Variants in RBM24 observed in about 807,000 individuals in gnomAD.
The protein encoded by RBM24 is RNA-binding protein 24.
A neutral mutation model predicts 23.6 loss-of-function variants in RBM24; 5 were observed. The ratio of observed to expected loss-of-function variants is 0.21; its 90% CI spans 0.11 to 0.45. The LOEUF (loss-of-function observed/expected upper bound fraction) is 0.45. Ranked by LOEUF, RBM24 falls within the 20% of genes least tolerant of loss-of-function variation. The pLI, the probability that RBM24 is intolerant of heterozygous loss-of-function variation, is 0.99. For synonymous variants in RBM24, 151 were observed against 129.5 expected, an observed-to-expected ratio of 1.17 and a Z score of -1.13; for missense variants, 252 against 314.6, an observed-to-expected ratio of 0.80 and a Z score of 1.51.
At chr6:17,289,747 G>C in intron 3 of RBM24, 1 of 1,052,204 alleles carries the variant, frequency 9.5e-7, no homozygotes, top group Non-Finnish European at 1.1e-6. Context: ...CATTTTACCC[G>C]CTGGAAACCC....
intron 3 of RBM24, chr6:17,289,039 G>T (rs1333434920): frequency 1.0e-6 from 1 of 985,296 alleles, no homozygotes; most frequent in African/African-American, 1.7e-5. Flanking sequence ...AACCTGAAGA[G>T]ATGGGAAGAA....
At chr6:17,283,628 G>T (rs1040057518) in intron 2 of RBM24, among the ~76,000 whole-genome samples, 3 of 152,174 alleles carry the variant, frequency 2.0e-5, no homozygotes, top group Non-Finnish European at 4.4e-5. Context: ...TGTTGGTCAG[G>T]CTGGTCTTGA....
At position 17,281,418 on chromosome 6, in the gene RBM24, C is replaced by T. The variant is rs1241285377; in HGVS notation, c.-164C>T. ...CGCGCGCCCGGCGCTCTCGGCCGCC[C>T]CCGGCCGCTCGCCCCCGCCGCGCCG... On this transcript the variant is annotated 5_prime_UTR_variant, in exon 1 of 4. Transcript: ENST00000379052. This position sits in a 1 kb window ranked among gnomAD's most constrained non-coding sequence, Gnocchi z 7.1. 1.5e-5 allele frequency: 4 copies of T among 271,134 alleles called. No individual in the cohort carries two copies. Among genetic ancestry groups the T allele is most frequent in the Non-Finnish European group, 1.7e-5 (3 of 178,368 alleles). The allele number at this position is 271,134 out of a possible 1,614,324, so 16.8% of individuals were successfully genotyped here.
chr6:17,282,343 G>C, intron 1 of RBM24: 2 of 898,352 alleles, frequency 2.2e-6, no homozygotes, highest in Non-Finnish European at 3.2e-6. Flanking sequence ...CCCCAGAGTA[G>C]GACAATAGCT....
Position 17,282,472 on chromosome 6 carries a change from G to A in RBM24, c.169-333G>A, listed in dbSNP as rs1475404168. ...GGGACCTGGGGGGCGGGGGATTCGGGGGAAGGAGGATCTAGAGTTCCAAGA... is the reference window on the plus strand; with the variant it reads ...GGGACCTGGGGGGCGGGGGATTCGGAGGAAGGAGGATCTAGAGTTCCAAGA... On this transcript the variant is annotated intron_variant, in intron 1 of 3. Coordinates refer to ENST00000379052, the MANE Select transcript of RBM24 (RefSeq NM_001143942.2). 2.5e-5 allele frequency: 12 copies of A among 477,720 alleles called. No individual in the cohort carries two copies. The East Asian group carries it at 6.2e-4, about 25-fold the overall frequency. 29.6% of individuals were successfully genotyped at this position (477,720 alleles called of 1,614,324 possible).
chr6:17,282,719 A>G, intron 1 of RBM24, 86 bp from the exon 2 acceptor site: 1 of 1,553,300 alleles, frequency 6.4e-7, no homozygotes, highest in Middle Eastern at 1.7e-4. Context: ...TTTTATCATG[A>G]ATGACTTCTC....
At chr6:17,282,185 C>A (rs1270023308) in intron 1 of RBM24, 1 of 1,282,842 alleles carries the variant, frequency 7.8e-7, no homozygotes, top group Non-Finnish European at 1.0e-6. Context: ...GGGGCTGTTG[C>A]CCTTGTGTCA....
chr6:17,292,371 GA>G lies in RBM24; in HGVS notation c.*255del. 1 of 296,346 alleles carries G rather than the reference GA, an allele frequency of 3.4e-6. No homozygotes were observed. Among genetic ancestry groups the G allele is most frequent in the South Asian group, 1.5e-4 (1 of 6,612 alleles). The allele number at this position is 296,346 out of a possible 1,614,324, so 18.4% of individuals were successfully genotyped here. On this transcript the variant is annotated 3_prime_UTR_variant, in exon 4 of 4. Transcript: ENST00000379052. Reference sequence around the variant, plus strand: ...GCCTGAGTAAATGAAAGGCCACTACGAAATGACGCCAGGAGTAACAACGGAA... The same window carrying G: ...GCCTGAGTAAATGAAAGGCCACTACGAATGACGCCAGGAGTAACAACGGAA...
intron 3 of RBM24, chr6:17,288,907 T>G: frequency 1.0e-6 from 1 of 985,380 alleles, no homozygotes; most frequent in Non-Finnish European, 1.2e-6. Flanking sequence ...TTTGAGCAAA[T>G]GAATGAGATG....
At position 17,282,604 on chromosome 6, in the gene RBM24, ACCCGCCCCCCCCCCC is replaced by A. The variant is rs1397371965; in HGVS notation, c.169-199_169-185del. On this transcript the variant is annotated intron_variant, in intron 1 of 3. Coordinates refer to ENST00000379052, the MANE Select transcript of RBM24 (RefSeq NM_001143942.2). ...GGTTTCTTTCTTTTTTCCTTCGTCT[ACCCGCCCCCCCCCCC>A]CACGCCCCCGCCCGCCTGTTAAAAA... The A allele has an allele frequency of 6.9e-5, 12 of 173,622 alleles. 3 individuals carry two copies. Among genetic ancestry groups the A allele is most frequent in the Non-Finnish European group, 1.3e-4 (12 of 95,222 alleles). The allele number at this position is 173,622 out of a possible 1,614,324, so 10.8% of individuals were successfully genotyped here.
intron 3 of RBM24, chr6:17,289,383 G>A (rs1760288877): frequency 3.0e-6 from 3 of 985,204 alleles, no homozygotes; most frequent in Non-Finnish European, 3.6e-6. Context: ...CCTTCCAGAC[G>A]TCTCTTTAAC....
chr6:17,289,286 T>A (rs1389679673), intron 3 of RBM24: 21 of 985,296 alleles, frequency 2.1e-5, no homozygotes, highest in Non-Finnish European at 2.5e-5. Context: ...CTGCCTTCCT[T>A]CCTGACCCAG....
In RBM24 at chr6:17,292,556, TACAA is replaced by T. The variant is rs939077476; in HGVS notation, c.*443_*446del. 1 of 153,386 alleles carries T rather than the reference TACAA, an allele frequency of 6.5e-6. No homozygotes were observed. Among genetic ancestry groups the T allele is most frequent in the African/African-American group, 2.4e-5 (1 of 41,470 alleles). 9.5% of individuals were successfully genotyped at this position (153,386 alleles called of 1,614,324 possible). A position where few individuals can be genotyped will look rare whatever the true frequency, so the allele number is the denominator to read the frequency against. On this transcript the variant is annotated 3_prime_UTR_variant, in exon 4 of 4. Coordinates refer to ENST00000379052, the MANE Select transcript of RBM24 (RefSeq NM_001143942.2). Reference sequence around the variant, plus strand: ...GAATTACATTTAAAAGCAGATTTTTTACAAACAAAATGGCGAAAGCACTGATTGT... The same window carrying T: ...GAATTACATTTAAAAGCAGATTTTTTACAAAATGGCGAAAGCACTGATTGT...
intron 3 of RBM24, 95 bp from the exon 4 acceptor site, chr6:17,291,661 T>C: frequency 7.3e-7 from 1 of 1,367,552 alleles, no homozygotes; most frequent in Middle Eastern, 2.6e-4. Context: ...CCTATGCTCA[T>C]AATAACCACT....
intron 1 of RBM24, chr6:17,282,037 G>A (rs1000099957): frequency 8.5e-6 from 11 of 1,295,864 alleles, no homozygotes; most frequent in Admixed American, 3.3e-5. Context: ...GGTGCGGAGG[G>A]TTGCGAGGGA....
Position 17,281,888 on chromosome 6 carries a change from T to A in RBM24, c.168+139T>A. The A allele has an allele frequency of 2.2e-6, 3 of 1,365,356 alleles. No individual in the cohort carries two copies. The highest frequency in any genetic ancestry group is 3.0e-6 in the Non-Finnish European group (3 of 1,005,338). 84.6% of individuals were successfully genotyped at this position (1,365,356 alleles called of 1,614,324 possible). A position where few individuals can be genotyped will look rare whatever the true frequency, so the allele number is the denominator to read the frequency against. ...GCGGCGCTGCCCCTTCGCTCCGGGGTGAACTGAAACTTTGCTAGGGGAGAG... is the reference window on the plus strand; with the variant it reads ...GCGGCGCTGCCCCTTCGCTCCGGGGAGAACTGAAACTTTGCTAGGGGAGAG... On this transcript the variant is annotated intron_variant, in intron 1 of 3. Coordinates refer to ENST00000379052, the MANE Select transcript of RBM24 (RefSeq NM_001143942.2). The surrounding 1 kb of genome is among the most constrained non-coding windows in gnomAD (Gnocchi z 7.1).
At position 17,293,130 on chromosome 6, in the gene RBM24, A is replaced by G. The variant is rs2113416606; in HGVS notation, c.*1011A>G. 1 of 152,664 alleles carries G rather than the reference A, an allele frequency of 6.6e-6. No homozygotes were observed. The highest frequency in any genetic ancestry group is 2.1e-4 in the South Asian group (1 of 4,832). 9.5% of individuals were successfully genotyped at this position (152,664 alleles called of 1,614,324 possible). A position where few individuals can be genotyped will look rare whatever the true frequency, so the allele number is the denominator to read the frequency against. On this transcript the variant is annotated 3_prime_UTR_variant, in exon 4 of 4. Coordinates refer to ENST00000379052, the MANE Select transcript of RBM24 (RefSeq NM_001143942.2). ...TTTAAAACTATTTATTAGTGACTAC[A>G]GTACATGAGACAACAAGGTTACTGA...
At chr6:17,288,647 A>C (rs1438555654) in intron 3 of RBM24, 3 of 984,996 alleles carry the variant, frequency 3.0e-6, no homozygotes, top group Non-Finnish European at 3.6e-6. Flanking sequence ...TTTGGATTTC[A>C]GCAGGTAGAG....
At position 17,292,153 on chromosome 6, in the gene RBM24, C is replaced by T. The variant is rs746385936; in HGVS notation, c.*34C>T. 7 of 1,459,508 alleles carry T rather than the reference C, an allele frequency of 4.8e-6. No homozygotes were observed. Among genetic ancestry groups the T allele is most frequent in the South Asian group, 1.5e-5 (1 of 65,836 alleles). The allele number at this position is 1,459,508 out of a possible 1,614,324, so 90.4% of individuals were successfully genotyped here. ...TCTGATCAAAGTTGAATTGTTTTCTCTTTCCCTCCCAATTTTCCAATTTTT... is the reference window on the plus strand; with the variant it reads ...TCTGATCAAAGTTGAATTGTTTTCTTTTTCCCTCCCAATTTTCCAATTTTT... On this transcript the variant is annotated 3_prime_UTR_variant, in exon 4 of 4. Transcript: ENST00000379052.
Sources: allele counts gnomAD v4.1 joint callset (sites outside exome capture counted in the v4.1 genomes callset), GRCh38; gene constraint gnomAD v4.1.1; non-coding constraint Gnocchi (gnomAD v3.1); transcripts MANE v1.5; gene names NCBI Gene and HGNC (gene_info 2026-07-23, HGNC 2026-07-21).